RFX2: variants seen among roughly 807,000 people sequenced by gnomAD.
RFX2 encodes DNA-binding protein RFX2.
A neutral mutation model predicts 87.8 loss-of-function variants in RFX2; 20 were observed. The ratio of observed to expected loss-of-function variants is 0.23; its 90% CI spans 0.16 to 0.33. RFX2 has a LOEUF of 0.33. Among genes scored for constraint, RFX2 ranks in the 10% least tolerant of loss-of-function variants. The probability of loss-of-function intolerance (pLI) is 1.00; values close to 1 mark genes in which losing one functional copy is unlikely to be tolerated. For missense variants in RFX2, 767 were observed against 1,012.3 expected (o/e 0.76, Z 3.29); for synonymous variants, 397 against 431.3 (o/e 0.92, Z 0.98).
In RFX2 at chr19:6,013,330, C is replaced by T. The variant is rs913516649; in HGVS notation, c.780-225G>A. Among the ~76,000 whole-genome samples, 1 of 151,726 alleles carries T rather than the reference C, an allele frequency of 6.6e-6. No homozygotes were observed. The highest frequency in any genetic ancestry group is 2.1e-4 in the South Asian group (1 of 4,812). On this transcript the variant is annotated intron_variant, in intron 7 of 17. Coordinates refer to ENST00000303657, the MANE Select transcript of RFX2 (RefSeq NM_000635.4). The surrounding 1 kb of genome is among the most constrained non-coding windows in gnomAD (Gnocchi z 4.1). ...CCTCCCAAGTAGCTGGGATGACAGG[C>T]GTGAGCCATAATGCCTAGCTTATTT...
At position 6,064,579 on chromosome 19, in the gene RFX2, GGT is replaced by G. The variant is rs1272528062; in HGVS notation, c.-8-17077_-8-17076del. Among the ~76,000 whole-genome samples the G allele has an allele frequency of 6.6e-6, 1 of 152,200 alleles. No individual in the cohort carries two copies. Among genetic ancestry groups the G allele is most frequent in the Non-Finnish European group, 1.5e-5 (1 of 68,032 alleles). On this transcript the variant is annotated intron_variant, in intron 1 of 17. Transcript: ENST00000303657. This position sits in a 1 kb window ranked among gnomAD's most constrained non-coding sequence, Gnocchi z 4.8. ...GTAGCATCTCCTGCTTTCTCAGCCT[GGT>G]GACCTGACCCGGCAGCACGCCCACT...
At chr19:5,996,591 T>C (rs2086415918) in intron 16 of RFX2, among the ~76,000 whole-genome samples, 1 of 152,234 alleles carries the variant, frequency 6.6e-6, no homozygotes. Context: ...GGTTTCCTTT[T>C]GGGGTGACGG....
At position 6,024,012 on chromosome 19, in the gene RFX2, T is replaced by C. The variant is rs1455258184; in HGVS notation, c.597+2151A>G. Among the ~76,000 whole-genome samples the C allele has an allele frequency of 6.6e-6, 1 of 152,164 alleles. No homozygotes were observed. Among genetic ancestry groups the C allele is most frequent in the East Asian group, 1.9e-4 (1 of 5,186 alleles). Reference sequence around the variant, plus strand: ...TCAGGCTGGTCTGGAACTCCTGACCTCAAGTGGTACACCCGCCTTGGTCTC... The same window carrying C: ...TCAGGCTGGTCTGGAACTCCTGACCCCAAGTGGTACACCCGCCTTGGTCTC... On this transcript the variant is annotated intron_variant, in intron 6 of 17. Coordinates refer to ENST00000303657, the MANE Select transcript of RFX2 (RefSeq NM_000635.4). The surrounding 1 kb of genome is among the most constrained non-coding windows in gnomAD (Gnocchi z 5.0).
At chr19:6,019,534 GTGTGTGTGTGTA>G (rs1386069920) in intron 6 of RFX2, among the ~76,000 whole-genome samples, 2 of 146,242 alleles carry the variant, frequency 1.4e-5, no homozygotes, top group African/African-American at 5.3e-5. Context: ...GTGTGTGTGT[GTGTGTGTGTGTA>G]TATACTTTTA....
intron 3 of RFX2, among the ~76,000 whole-genome samples, 171 bp from the exon 4 acceptor site, chr19:6,042,294 C>T (rs1179526912): frequency 6.6e-6 from 1 of 152,236 alleles, no homozygotes; most frequent in African/African-American, 2.4e-5. Flanking sequence ...CAGTAATGTA[C>T]AGACGACATA....
intron 1 of RFX2, among the ~76,000 whole-genome samples, chr19:6,068,761 G>A (rs1281406906): frequency 2.0e-5 from 3 of 152,194 alleles, no homozygotes; most frequent in South Asian, 4.1e-4. Context: ...GCTTTTGCTT[G>A]GGGTAAATGG....
intron 13 of RFX2, among the ~76,000 whole-genome samples, chr19:6,003,778 CAAAAAAAAAAAAAAAA>C (rs57470328): frequency 4.8e-5 from 2 of 41,970 alleles, no homozygotes; most frequent in Admixed American, 2.8e-4. Flanking sequence ...GACTCTGTCT[CAAAAAAAAAAAAAAAA>C]AAAAAAAAAA....
At chr19:6,104,651 C>T (rs1428884028) in intron 1 of RFX2, among the ~76,000 whole-genome samples, 1 of 152,108 alleles carries the variant, frequency 6.6e-6, no homozygotes, top group Non-Finnish European at 1.5e-5. Flanking sequence ...AAGCGATCCT[C>T]CTGCCCTAGC....
At position 6,061,923 on chromosome 19, in the gene RFX2, A is replaced by AT. The variant is rs927415190; in HGVS notation, c.-8-14420dup. ...GTCCTAGGCAGGGGCGGGAGGATCC[A>AT]TTGAACCCAGGAGTTCGAGACCAGC... is the stretch of plus-strand genomic sequence containing the variant. On this transcript the variant is annotated intron_variant, in intron 1 of 17. Coordinates refer to ENST00000303657, the MANE Select transcript of RFX2 (RefSeq NM_000635.4). This position sits in a 1 kb window ranked among gnomAD's most constrained non-coding sequence, Gnocchi z 5.2. Among the ~76,000 whole-genome samples, 3 of 152,140 alleles carry AT rather than the reference A, an allele frequency of 2.0e-5. No homozygotes were observed. Among genetic ancestry groups the AT allele is most frequent in the African/African-American group, 7.2e-5 (3 of 41,424 alleles).
At chr19:6,100,708 A>G (rs1385776365) in intron 1 of RFX2, among the ~76,000 whole-genome samples, 1 of 152,134 alleles carries the variant, frequency 6.6e-6, no homozygotes, top group African/African-American at 2.4e-5. Flanking sequence ...TGACTCCACC[A>G]TCCGGCAGTT....
At chr19:6,078,621 C>A (rs966468953) in intron 1 of RFX2, among the ~76,000 whole-genome samples, 2 of 152,078 alleles carry the variant, frequency 1.3e-5, no homozygotes, top group African/African-American at 2.4e-5. Context: ...GGTAAAGGGG[C>A]CTTAAAAAGA....
intron 5 of RFX2, among the ~76,000 whole-genome samples, chr19:6,037,850 C>T (rs1028284591): frequency 2.6e-5 from 4 of 152,124 alleles, no homozygotes; most frequent in Non-Finnish European, 5.9e-5. Context: ...GAAATAAACC[C>T]ACACACATAT....
At chr19:6,059,593 C>T (rs866730500) in intron 1 of RFX2, among the ~76,000 whole-genome samples, 3 of 152,078 alleles carry the variant, frequency 2.0e-5, no homozygotes, top group Non-Finnish European at 4.4e-5. Flanking sequence ...AGCTAGAGGC[C>T]GAGCAGCAGC....
At chr19:6,052,644 T>C (rs903754990) in intron 1 of RFX2, among the ~76,000 whole-genome samples, 2 of 152,168 alleles carry the variant, frequency 1.3e-5, no homozygotes, top group African/African-American at 4.8e-5. Flanking sequence ...TTCTGGGCCA[T>C]AAAATAAGCC....
At chr19:6,097,771 CAG>C (rs767005697) in intron 1 of RFX2, among the ~76,000 whole-genome samples, 6 of 151,974 alleles carry the variant, frequency 3.9e-5, no homozygotes, top group Non-Finnish European at 8.8e-5. Context: ...TGTGTGGAGA[CAG>C]AGTCTTGTTA....
At chr19:6,078,308 C>T (rs935205637) in intron 1 of RFX2, 15 of 132,588 alleles carry the variant, frequency 1.1e-4, no homozygotes, top group Admixed American at 8.4e-4. Flanking sequence ...GTGAGCTTTA[C>T]GGTATGTAAA....
chr19:6,037,081 G>A (rs905909289), intron 5 of RFX2, among the ~76,000 whole-genome samples: 18 of 151,942 alleles, frequency 1.2e-4, no homozygotes, highest in Non-Finnish European at 2.1e-4. Context: ...TCAGGAGATG[G>A]AGACCATCCT....
At chr19:6,093,524 G>A (rs1359440324) in intron 1 of RFX2, among the ~76,000 whole-genome samples, 1 of 152,118 alleles carries the variant, frequency 6.6e-6, no homozygotes, top group Non-Finnish European at 1.5e-5. Context: ...GACAGAGCAA[G>A]ACTCTGTCTC....
In RFX2 at chr19:5,999,806, G is replaced by A. The variant is rs73923415; in HGVS notation, c.1859+2009C>T. On this transcript the variant is annotated intron_variant, in intron 15 of 17. Transcript: ENST00000303657. This position sits in a 1 kb window ranked among gnomAD's most constrained non-coding sequence, Gnocchi z 4.1. ...GCCGTCTTATTTACAGAGGCTGGGG[G>A]TGAGGGATTTCTCTGCGGATGATGG... is the stretch of plus-strand genomic sequence containing the variant. 9.4e-3 allele frequency among the ~76,000 whole-genome samples: 1,424 copies of A among 152,180 alleles called. 26 individuals carry two copies. The highest frequency in any genetic ancestry group is 0.033 in the African/African-American group (1,365 of 41,498).
Sources: gnomAD v4.1 joint callset for allele counts (sites outside exome capture counted in the v4.1 genomes callset) on GRCh38, gnomAD v4.1.1 for gene constraint, Gnocchi (gnomAD v3.1) non-coding constraint, MANE v1.5 for transcripts, NCBI Gene and HGNC (gene_info 2026-07-23, HGNC 2026-07-21) for gene names.